TENM4: variants seen among roughly 807,000 people sequenced by gnomAD.
TENM4 encodes teneurin transmembrane protein 4.
Under a neutral mutation model 243.3 loss-of-function variants are expected in TENM4, and 82 were observed. That is an observed-to-expected ratio of 0.34 (90% confidence interval 0.28 to 0.40). The LOEUF is 0.40. Among genes scored for constraint, TENM4 ranks in the 10% least tolerant of loss-of-function variants. The pLI is 1.00. For missense variants in TENM4, 3,138 were observed against 3,673.3 expected, an observed-to-expected ratio of 0.85 and a Z score of 3.77; for synonymous variants, 1,412 against 1,456.3, an observed-to-expected ratio of 0.97 and a Z score of 0.69.
chr11:79,072,063 T>C (rs570544925), intron 4 of TENM4, among the ~76,000 whole-genome samples: 1 of 152,218 alleles, frequency 6.6e-6, no homozygotes, highest in African/African-American at 2.4e-5. Flanking sequence ...TGATGCTCAG[T>C]GTTCCCAATA....
intron 27 of TENM4, among the ~76,000 whole-genome samples, chr11:78,703,210 T>C (rs895533504): frequency 2.0e-5 from 3 of 152,166 alleles, no homozygotes; most frequent in African/African-American, 7.2e-5. Context: ...GGCTTGAGAA[T>C]CATGACTGGA....
chr11:79,409,526 G>C (rs759890770), intron 1 of TENM4, among the ~76,000 whole-genome samples: 54 of 152,256 alleles, frequency 3.5e-4, no homozygotes, highest in Middle Eastern at 6.8e-3. Context: ...TTAACTCTTG[G>C]AGCTGCAGGT....
At chr11:78,860,462 A>G (rs2136217824) in intron 10 of TENM4, among the ~76,000 whole-genome samples, 1 of 152,336 alleles carries the variant, frequency 6.6e-6, no homozygotes, top group Admixed American at 6.5e-5. Flanking sequence ...TTTCTCCATC[A>G]TTGTGAAGCA....
intron 2 of TENM4, among the ~76,000 whole-genome samples, chr11:79,227,251 C>T (rs976698696): frequency 1.3e-5 from 2 of 152,214 alleles, no homozygotes; most frequent in African/African-American, 2.4e-5. Flanking sequence ...ATCACCTCCT[C>T]TTATTGTCCC....
At position 78,995,141 on chromosome 11, in the gene TENM4, C is replaced by T. The variant is rs540334043; in HGVS notation, c.493+69597G>A. ...TTTCCTAGAATGAGTAAGAGTTAAC[C>T]AGGAGTGGAAGGAATAGAGTGAGGC... On this transcript the variant is annotated intron_variant, in intron 6 of 33. Coordinates refer to ENST00000278550, the MANE Select transcript of TENM4 (RefSeq NM_001098816.3). Among the ~76,000 whole-genome samples, 15 of 152,162 alleles carry T rather than the reference C, an allele frequency of 9.9e-5. No individual in the cohort carries two copies. The East Asian group carries it at 2.7e-3, about 27-fold the overall frequency.
chr11:79,035,327 G>A (rs909649023), intron 6 of TENM4, among the ~76,000 whole-genome samples: 2 of 152,090 alleles, frequency 1.3e-5, no homozygotes, highest in Non-Finnish European at 2.9e-5. Flanking sequence ...ACATTACCTT[G>A]TTGCTTTTAT....
chr11:78,819,838 C>T (rs1857688004), intron 12 of TENM4, among the ~76,000 whole-genome samples: 1 of 152,170 alleles, frequency 6.6e-6, no homozygotes, highest in Admixed American at 6.5e-5. Context: ...AAGTGGTTGT[C>T]AGGAACTCTT....
In TENM4 at chr11:78,942,444, CAA is replaced by C. The variant is rs200858107; in HGVS notation, c.494-38923_494-38922del. On this transcript the variant is annotated intron_variant, in intron 6 of 33. Coordinates refer to ENST00000278550, the MANE Select transcript of TENM4 (RefSeq NM_001098816.3). ...TGGGTGATAGCACAAGACCCTGTCT[CAA>C]AAAAAAAAAAAAAAATTGCAAATAA... is the stretch of plus-strand genomic sequence containing the variant. Among the ~76,000 whole-genome samples, 938 of 124,808 alleles carry C rather than the reference CAA, an allele frequency of 7.5e-3. 7 individuals carry two copies. The highest frequency in any genetic ancestry group is 0.023 in the African/African-American group (757 of 32,748). The allele number at this position is 124,808 out of a possible 152,430, so 81.9% of individuals were successfully genotyped here.
chr11:79,022,895 G>T (rs1024261189), intron 6 of TENM4, among the ~76,000 whole-genome samples: 109 of 152,252 alleles, frequency 7.2e-4, no homozygotes, highest in African/African-American at 2.6e-3. Context: ...CTACTCTATA[G>T]ACATTATCTC....
chr11:78,773,480 A>C (rs1856681370), intron 17 of TENM4, among the ~76,000 whole-genome samples: 1 of 152,176 alleles, frequency 6.6e-6, no homozygotes, highest in South Asian at 2.1e-4. Flanking sequence ...GGCAGAGGGC[A>C]TATAATATCA....
intron 4 of TENM4, among the ~76,000 whole-genome samples, chr11:79,113,788 A>G (rs920043861): frequency 2.6e-5 from 4 of 152,176 alleles, no homozygotes; most frequent in African/African-American, 7.2e-5. Flanking sequence ...CCTGGGGCCC[A>G]GCATTTACTG....
At chr11:78,926,897 C>T (rs1856565872) in intron 6 of TENM4, among the ~76,000 whole-genome samples, 1 of 152,110 alleles carries the variant, frequency 6.6e-6, no homozygotes, top group African/African-American at 2.4e-5. Context: ...GTTTATTTAC[C>T]TGGCTTTGCG....
In TENM4 at chr11:78,768,022, G is replaced by C. The variant is rs117038521; in HGVS notation, c.2539+2970C>G. ...CCCAATGCAAATATGGTTTACTCTT[G>C]TGCTCCTTTCTTCCTCTCTCCCTCC... On this transcript the variant is annotated intron_variant, in intron 18 of 33. Transcript: ENST00000278550. Among the ~76,000 whole-genome samples, 719 of 152,322 alleles carry C rather than the reference G, an allele frequency of 4.7e-3. 4 individuals carry two copies. Among genetic ancestry groups the C allele is most frequent in the Admixed American group, 7.4e-3 (113 of 15,300 alleles).
At chr11:78,785,941 A>T (rs372245458) in intron 16 of TENM4, among the ~76,000 whole-genome samples, 9 of 151,404 alleles carry the variant, frequency 5.9e-5, no homozygotes, top group African/African-American at 2.2e-4. Context: ...TTCTAAAGCC[A>T]TGTGCTCACC....
In TENM4 at chr11:78,969,822, G is replaced by A. The variant is rs575575277; in HGVS notation, c.494-66299C>T. Among the ~76,000 whole-genome samples, 85 of 152,220 alleles carry A rather than the reference G, an allele frequency of 5.6e-4. 1 individual carries two copies. The highest frequency in any genetic ancestry group is 1.9e-3 in the African/African-American group (80 of 41,542). On this transcript the variant is annotated intron_variant, in intron 6 of 33. Coordinates refer to ENST00000278550, the MANE Select transcript of TENM4 (RefSeq NM_001098816.3). ...TTAACTGGCAGCCCTGTAATTTAGAGGCTTGTATGTAAAACACTTAGCCCA... is the reference window on the plus strand; with the variant it reads ...TTAACTGGCAGCCCTGTAATTTAGAAGCTTGTATGTAAAACACTTAGCCCA...
intron 1 of TENM4, among the ~76,000 whole-genome samples, chr11:79,377,546 G>C (rs1857916180): frequency 6.6e-6 from 1 of 152,200 alleles, no homozygotes; most frequent in Non-Finnish European, 1.5e-5. Flanking sequence ...GAGTGGTTGG[G>C]AGGATTAAGA....
chr11:79,409,126 G>T lies in TENM4; in HGVS notation c.-321+31383C>A, dbSNP rs529296863. Among the ~76,000 whole-genome samples, 120 of 150,142 alleles carry T rather than the reference G, an allele frequency of 8.0e-4. 1 individual carries two copies. The highest frequency in any genetic ancestry group is 1.8e-3 in the African/African-American group (73 of 40,818). ...TGCGCGCGCGCGCGTGCGTGCACGC[G>T]CACGCACATGCGTGAGAGTTAGTGG... On this transcript the variant is annotated intron_variant, in intron 1 of 33. Coordinates refer to ENST00000278550, the MANE Select transcript of TENM4 (RefSeq NM_001098816.3).
intron 4 of TENM4, among the ~76,000 whole-genome samples, chr11:79,125,189 C>T (rs1458963968): frequency 6.6e-6 from 1 of 152,048 alleles, no homozygotes; most frequent in African/African-American, 2.4e-5. Context: ...TGATTCATTG[C>T]TCGTGAGAAG....
chr11:78,977,400 C>A (rs1169781934), intron 6 of TENM4, among the ~76,000 whole-genome samples: 2 of 152,214 alleles, frequency 1.3e-5, no homozygotes, highest in Non-Finnish European at 2.9e-5. Flanking sequence ...ATAACACTGT[C>A]CTTGTGGAAC....
Sources: allele counts gnomAD v4.1 joint callset (sites outside exome capture counted in the v4.1 genomes callset), GRCh38; gene constraint gnomAD v4.1.1; transcripts MANE v1.5; gene names NCBI Gene and HGNC (gene_info 2026-07-23, HGNC 2026-07-21).